RBFOX3: variants seen among roughly 807,000 people sequenced by gnomAD.
RBFOX3 encodes the protein RNA binding protein fox-1 homolog 3.
In RBFOX3, 17 loss-of-function variants were observed where a neutral mutation model predicts 48.7. The ratio of observed to expected loss-of-function variants is 0.35; its 90% CI spans 0.24 to 0.52. RBFOX3 has a LOEUF of 0.52. Ranked by LOEUF, RBFOX3 falls within the 20% of genes least tolerant of loss-of-function variation. The pLI, the probability that RBFOX3 is intolerant of heterozygous loss-of-function variation, is 0.94. For synonymous variants in RBFOX3, 212 were observed against 209.5 expected (o/e 1.01, Z -0.10); for missense variants, 382 against 497.5 (o/e 0.77, Z 2.21).
the RBFOX3 span, among the ~76,000 whole-genome samples, chr17:79,659,453 C>G: frequency 6.6e-6 from 1 of 152,074 alleles, no homozygotes; most frequent in African/African-American, 2.4e-5. Flanking sequence ...GTGCAAAAGA[C>G]TGGGGCGGGA....
At chr17:79,305,842 A>C (rs1241720619) in intron 3 of RBFOX3, among the ~76,000 whole-genome samples, 2 of 152,208 alleles carry the variant, frequency 1.3e-5, no homozygotes, top group South Asian at 2.1e-4. Flanking sequence ...GCCTCCCTCC[A>C]AGGAGAGCAG....
chr17:79,389,289 C>A (rs745880060), intron 2 of RBFOX3, among the ~76,000 whole-genome samples: 2 of 152,182 alleles, frequency 1.3e-5, no homozygotes, highest in Non-Finnish European at 2.9e-5. Flanking sequence ...GGTAGAAACA[C>A]AAAGGTCTGG....
chr17:79,531,051 C>T (rs1298217043), intron 1 of RBFOX3, among the ~76,000 whole-genome samples: 1 of 152,258 alleles, frequency 6.6e-6, no homozygotes, highest in East Asian at 1.9e-4. Context: ...CTTTGTGCCC[C>T]AGTCCAGGGG....
At chr17:79,447,744 T>C (rs960191751) in intron 2 of RBFOX3, among the ~76,000 whole-genome samples, 1 of 152,186 alleles carries the variant, frequency 6.6e-6, no homozygotes, top group Non-Finnish European at 1.5e-5. Context: ...CATGTGAGCA[T>C]TGCTCAGCAG....
intron 1 of RBFOX3, among the ~76,000 whole-genome samples, chr17:79,520,423 G>T (rs967564097): frequency 2.0e-5 from 3 of 152,184 alleles, no homozygotes; most frequent in Non-Finnish European, 4.4e-5. Context: ...GCAGCTGAGC[G>T]AGCTGCCCTC....
At chr17:79,375,882 G>T (rs556068005) in intron 2 of RBFOX3, among the ~76,000 whole-genome samples, 1 of 152,174 alleles carries the variant, frequency 6.6e-6, no homozygotes, top group African/African-American at 2.4e-5. Context: ...GTGTGGCCTC[G>T]GGCAAGTTAT....
intron 2 of RBFOX3, among the ~76,000 whole-genome samples, chr17:79,318,441 T>G (rs1403054396): frequency 1.3e-5 from 2 of 151,912 alleles, no homozygotes; most frequent in Admixed American, 1.3e-4. Flanking sequence ...ACCATATGGC[T>G]CCCCCTCTCA....
chr17:79,481,647 C>T lies in RBFOX3; in HGVS notation c.-175+807G>A, dbSNP rs930356595. On this transcript the variant is annotated intron_variant, in intron 2 of 14. Transcript: ENST00000693108. The surrounding 1 kb of genome is among the most constrained non-coding windows in gnomAD (Gnocchi z 5.4). ...TCAGTCACGTGGCTCGGGGAGCTTG[C>T]GGTTGGTGAACTTGTGGGTGAACCA... Among the ~76,000 whole-genome samples the T allele has an allele frequency of 9.9e-5, 15 of 152,080 alleles. No individual in the cohort carries two copies. Among genetic ancestry groups the T allele is most frequent in the African/African-American group, 3.4e-4 (14 of 41,402 alleles).
intron 1 of RBFOX3, among the ~76,000 whole-genome samples, chr17:79,494,597 G>A (rs1268146719): frequency 1.3e-5 from 2 of 152,252 alleles, no homozygotes; most frequent in Non-Finnish European, 2.9e-5. Context: ...GCTGGGGAAT[G>A]AGCAGCTTTC....
At chr17:79,218,940 C>T (rs1400794317) in intron 4 of RBFOX3, among the ~76,000 whole-genome samples, 3 of 152,242 alleles carry the variant, frequency 2.0e-5, no homozygotes, top group African/African-American at 4.8e-5. Flanking sequence ...GCTTGACCCT[C>T]GCGATTCTGA....
At chr17:79,102,178 G>C (rs969414787) in intron 8 of RBFOX3, among the ~76,000 whole-genome samples, 2 of 152,222 alleles carry the variant, frequency 1.3e-5, no homozygotes, top group South Asian at 2.1e-4. Context: ...AGGGAGGGGG[G>C]CTCTGGGCAC....
intron 4 of RBFOX3, among the ~76,000 whole-genome samples, chr17:79,154,272 A>G (rs9915994): frequency 0.056 from 8,482 of 152,010 alleles, 362 homozygotes; most frequent in East Asian, 0.21. Flanking sequence ...TTCCTTGCCC[A>G]GCTCCTTCTG....
chr17:79,155,137 T>C (rs1385757906), intron 4 of RBFOX3, among the ~76,000 whole-genome samples: 3 of 152,162 alleles, frequency 2.0e-5, no homozygotes, highest in East Asian at 1.9e-4. Flanking sequence ...CTAAGTACTA[T>C]GTTGAAGTGG....
intron 2 of RBFOX3, among the ~76,000 whole-genome samples, chr17:79,350,029 G>T (rs1420919425): frequency 6.6e-6 from 1 of 152,204 alleles, no homozygotes; most frequent in Non-Finnish European, 1.5e-5. Context: ...AGGTCATTCA[G>T]ATCTGCTCAT....
chr17:79,581,804 T>C (rs2093068843), intron 1 of RBFOX3, among the ~76,000 whole-genome samples: 2 of 152,342 alleles, frequency 1.3e-5, no homozygotes, highest in Non-Finnish European at 1.5e-5. Context: ...GGATTTGGCA[T>C]GGTTTTCATA....
Position 79,521,343 on chromosome 17 carries a change from C to T in RBFOX3, c.-319-38745G>A, listed in dbSNP as rs1026296382. ...ACACACACATTCATACACACATTCA[C>T]ACACTCACACTCAGACACAGATGCA... On this transcript the variant is annotated intron_variant, in intron 1 of 14. Transcript: ENST00000693108. Among the ~76,000 whole-genome samples the T allele has an allele frequency of 2.0e-5, 3 of 151,868 alleles. No individual in the cohort carries two copies. In the East Asian group the frequency reaches 5.8e-4, roughly 29 times the overall value.
intron 1 of RBFOX3, among the ~76,000 whole-genome samples, chr17:79,541,791 C>A (rs1353908202): frequency 6.6e-6 from 1 of 152,166 alleles, no homozygotes; most frequent in Non-Finnish European, 1.5e-5. Flanking sequence ...TGATCAGTAA[C>A]CTTTCTTCAT....
chr17:79,633,793 C>T, the RBFOX3 span, among the ~76,000 whole-genome samples: 1 of 152,182 alleles, frequency 6.6e-6, no homozygotes. Context: ...CAACCCTTCA[C>T]CCCAGTGAGT....
At chr17:79,271,827 T>G (rs765639987) in intron 3 of RBFOX3, among the ~76,000 whole-genome samples, 4 of 152,128 alleles carry the variant, frequency 2.6e-5, no homozygotes, top group Non-Finnish European at 5.9e-5. Context: ...CAGGACACCA[T>G]GAGGAGAGTC....
Sources: gnomAD v4.1 joint callset for allele counts (sites outside exome capture counted in the v4.1 genomes callset) on GRCh38, gnomAD v4.1.1 for gene constraint, Gnocchi (gnomAD v3.1) non-coding constraint, MANE v1.5 for transcripts, NCBI Gene and HGNC (gene_info 2026-07-23, HGNC 2026-07-21) for gene names.